The following NXPH2 variants were observed in gnomAD, a reference collection of about 807,000 sequenced individuals.
The protein encoded by NXPH2 is neurexophilin 2, also known as neurexophilin-2.
In NXPH2, 5 loss-of-function variants were observed where a neutral mutation model predicts 19.8. The observed-to-expected ratio is 0.25, with a 90% CI of 0.13 to 0.53. The LOEUF (loss-of-function observed/expected upper bound fraction) is 0.53. Among genes scored for constraint, NXPH2 ranks in the 20% least tolerant of loss-of-function variants. The pLI, the probability that NXPH2 is intolerant of heterozygous loss-of-function variation, is 0.96. For synonymous variants in NXPH2, 154 were observed against 127.4 expected, an observed-to-expected ratio of 1.21 and a Z score of -1.41; for missense variants, 289 against 322.8, an observed-to-expected ratio of 0.90 and a Z score of 0.80.
chr2:138,755,142 C>T (rs148484285), intron 1 of NXPH2, among the ~76,000 whole-genome samples: 1,586 of 151,886 alleles, frequency 0.01, 23 homozygotes, highest in African/African-American at 0.033. Flanking sequence ...TCTCAGTATA[C>T]GGCTTATCTT....
At chr2:138,683,698 T>A (rs578178900) in intron 1 of NXPH2, among the ~76,000 whole-genome samples, 1 of 152,352 alleles carries the variant, frequency 6.6e-6, no homozygotes, top group South Asian at 2.1e-4. Flanking sequence ...GGTGTTACCA[T>A]GAAGGGATTT....
chr2:138,777,891 T>C (rs953095931), intron 1 of NXPH2, among the ~76,000 whole-genome samples: 3 of 138,028 alleles, frequency 2.2e-5, no homozygotes, highest in Non-Finnish European at 4.6e-5. Context: ...TTTTAGTACA[T>C]ATGGTTCCTA....
rs535982607 is a variant in NXPH2 at position 138,700,012 on chromosome 2, G to A, written c.52-28347C>T. Among the ~76,000 whole-genome samples the A allele has an allele frequency of 4.4e-4, 67 of 152,226 alleles. 1 individual carries two copies. Among genetic ancestry groups the A allele is most frequent in the Non-Finnish European group, 7.6e-4 (52 of 68,014 alleles). The stretch of plus-strand genomic sequence containing the variant: ...GTGCTGGGCTGTGCTGTTTGAGGGC[G>A]TCACCAAATTCTGTTTTCCTATTTC... On this transcript the variant is annotated intron_variant, in intron 1 of 1. Transcript: ENST00000272641.
chr2:138,713,257 A>G (rs756766458), intron 1 of NXPH2, among the ~76,000 whole-genome samples: 41 of 152,154 alleles, frequency 2.7e-4, no homozygotes, highest in Non-Finnish European at 4.9e-4. Flanking sequence ...TGATTCAAGC[A>G]CTGAACCTCA....
intron 1 of NXPH2, among the ~76,000 whole-genome samples, chr2:138,727,779 T>A (rs984731417): frequency 1.3e-5 from 2 of 152,208 alleles, no homozygotes; most frequent in African/African-American, 2.4e-5. Context: ...TCCAGCTTAA[T>A]GAGACATGTT....
chr2:138,738,840 G>T (rs77998089), intron 1 of NXPH2, among the ~76,000 whole-genome samples: 2 of 152,152 alleles, frequency 1.3e-5, no homozygotes, highest in Admixed American at 6.5e-5. Flanking sequence ...GCACAAAATC[G>T]GATGATTGGG....
chr2:138,729,792 T>C (rs1256795118), intron 1 of NXPH2, among the ~76,000 whole-genome samples: 2 of 152,182 alleles, frequency 1.3e-5, no homozygotes, highest in Non-Finnish European at 2.9e-5. Flanking sequence ...ACCCTGTATC[T>C]TTTGACACTC....
At chr2:138,776,975 C>T (rs1682273448) in intron 1 of NXPH2, among the ~76,000 whole-genome samples, 1 of 151,972 alleles carries the variant, frequency 6.6e-6, no homozygotes, top group Admixed American at 6.5e-5. Context: ...ATTTTGTAAA[C>T]TCAGCATTGT....
chr2:138,749,179 T>C lies in NXPH2; in HGVS notation c.51+31012A>G, dbSNP rs992389995. On this transcript the variant is annotated intron_variant, in intron 1 of 1. Coordinates refer to ENST00000272641, the MANE Select transcript of NXPH2 (RefSeq NM_007226.3). Reference sequence around the variant, plus strand: ...GTTCTCAGGAGGTCTAATGGTTTTGTAAGTGTTTGGCAAGTTCCTCCTTTG... The same window carrying C: ...GTTCTCAGGAGGTCTAATGGTTTTGCAAGTGTTTGGCAAGTTCCTCCTTTG... 5.9e-5 allele frequency among the ~76,000 whole-genome samples: 9 copies of C among 152,160 alleles called. No homozygotes were observed. In the South Asian group the frequency reaches 8.3e-4, roughly 14 times the overall value.
At chr2:138,699,180 A>AC (rs1680878717) in intron 1 of NXPH2, among the ~76,000 whole-genome samples, 1 of 152,212 alleles carries the variant, frequency 6.6e-6, no homozygotes, top group Non-Finnish European at 1.5e-5. Context: ...AGCTTCAACT[A>AC]CATATGCAGA....
At chr2:138,695,999 G>A (rs1305012615) in intron 1 of NXPH2, among the ~76,000 whole-genome samples, 2 of 151,716 alleles carry the variant, frequency 1.3e-5, no homozygotes, top group African/African-American at 4.9e-5. Flanking sequence ...GAGCAACAGA[G>A]GAAGACCCTG....
At chr2:138,715,641 A>T (rs988669456) in intron 1 of NXPH2, among the ~76,000 whole-genome samples, 1 of 152,228 alleles carries the variant, frequency 6.6e-6, no homozygotes, top group Non-Finnish European at 1.5e-5. Flanking sequence ...AGAAGCAGAC[A>T]GGAGGCTGGG....
intron 1 of NXPH2, among the ~76,000 whole-genome samples, chr2:138,702,404 G>A (rs142053731): frequency 1.0e-3 from 152 of 152,312 alleles, no homozygotes; most frequent in African/African-American, 3.6e-3. Flanking sequence ...TCAGGCATGA[G>A]CAAAAGCATC....
chr2:138,755,777 C>G (rs994330147), intron 1 of NXPH2, among the ~76,000 whole-genome samples: 1 of 152,060 alleles, frequency 6.6e-6, no homozygotes, highest in African/African-American at 2.4e-5. Context: ...GACATTTTAA[C>G]AATATTGAGT....
chr2:138,689,528 G>T (rs1229980537), intron 1 of NXPH2, among the ~76,000 whole-genome samples: 1 of 152,152 alleles, frequency 6.6e-6, no homozygotes, highest in African/African-American at 2.4e-5. Flanking sequence ...TTTTCCAGGA[G>T]TGCCCATGTT....
intron 1 of NXPH2, among the ~76,000 whole-genome samples, chr2:138,688,759 A>G (rs1437719972): frequency 1.3e-5 from 2 of 152,186 alleles, no homozygotes; most frequent in Non-Finnish European, 2.9e-5. Context: ...ATCAGCTTCA[A>G]AACAGTTCAT....
chr2:138,760,262 T>C lies in NXPH2; in HGVS notation c.51+19929A>G, dbSNP rs1681989574. Among the ~76,000 whole-genome samples, 3 of 152,104 alleles carry C rather than the reference T, an allele frequency of 2.0e-5. No homozygotes were observed. In the South Asian group the frequency reaches 6.2e-4, roughly 31 times the overall value. ...CCTCCCGCCAACTACTAATGAGCAA[T>C]AAGACACTCATCTGCAAACCGTCTC... On this transcript the variant is annotated intron_variant, in intron 1 of 1. Coordinates refer to ENST00000272641, the MANE Select transcript of NXPH2 (RefSeq NM_007226.3).
intron 1 of NXPH2, among the ~76,000 whole-genome samples, chr2:138,674,716 C>A (rs1053026827): frequency 3.3e-5 from 5 of 152,228 alleles, no homozygotes; most frequent in Admixed American, 6.5e-5. Context: ...GTCCAAGTGA[C>A]CTGTCCCAGC....
intron 1 of NXPH2, among the ~76,000 whole-genome samples, chr2:138,739,334 G>A (rs912989569): frequency 2.0e-5 from 3 of 152,150 alleles, no homozygotes; most frequent in Non-Finnish European, 4.4e-5. Context: ...ACAACCACAG[G>A]ATTTAAAACC....
Sources: allele counts gnomAD v4.1 joint callset (sites outside exome capture counted in the v4.1 genomes callset), GRCh38; gene constraint gnomAD v4.1.1; transcripts MANE v1.5; gene names NCBI Gene and HGNC (gene_info 2026-07-23, HGNC 2026-07-21).